TBC1D19: variants seen among roughly 807,000 people sequenced by gnomAD.
TBC1D19 encodes TBC1 domain family member 19.
A neutral mutation model predicts 89.0 loss-of-function variants in TBC1D19; 60 were observed. The ratio of observed to expected loss-of-function variants is 0.67; its 90% CI spans 0.55 to 0.84. The LOEUF is 0.84. TBC1D19 is among the 40% of genes least tolerant of loss of function. The pLI is 0.00. For synonymous variants in TBC1D19, 189 were observed against 199.7 expected (o/e 0.95, Z 0.45); for missense variants, 500 against 610.8 (o/e 0.82, Z 1.91).
rs559391660 is a variant in TBC1D19 at position 26,661,611 on chromosome 4, AC to A, written c.591+1905del. ...GCAAAACCAAACAACAACAACAATA[AC>A]AAAACCCAAATAGCCAAATTAGGGA... On this transcript the variant is annotated intron_variant, in intron 8 of 20. Coordinates refer to ENST00000264866, the MANE Select transcript of TBC1D19 (RefSeq NM_018317.4). 1.6e-4 allele frequency among the ~76,000 whole-genome samples: 24 copies of A among 152,246 alleles called. No individual in the cohort carries two copies. In the South Asian group the frequency reaches 4.8e-3, roughly 30 times the overall value.
intron 3 of TBC1D19, among the ~76,000 whole-genome samples, chr4:26,617,601 A>G (rs1032893315): frequency 6.6e-6 from 1 of 152,236 alleles, no homozygotes; most frequent in Admixed American, 6.5e-5. Flanking sequence ...CCACCTACCA[A>G]TGCTAACACA....
chr4:26,735,066 A>G (rs116018725), intron 15 of TBC1D19, among the ~76,000 whole-genome samples: 2,274 of 144,126 alleles, frequency 0.016, 63 homozygotes, highest in African/African-American at 0.053. Flanking sequence ...ATATGTATAT[A>G]TGTATACACA....
the TBC1D19 span, among the ~76,000 whole-genome samples, chr4:26,793,009 C>T: frequency 6.6e-6 from 1 of 152,210 alleles, no homozygotes; most frequent in Non-Finnish European, 1.5e-5. Flanking sequence ...CTGCATCCAG[C>T]TTTTAATTAA....
chr4:26,797,670 C>T, the TBC1D19 span, among the ~76,000 whole-genome samples: 4 of 152,184 alleles, frequency 2.6e-5, no homozygotes, highest in African/African-American at 9.7e-5. Context: ...GTAACTGAAA[C>T]AGCATGGTGC....
intron 7 of TBC1D19, among the ~76,000 whole-genome samples, chr4:26,642,735 A>C (rs1018680647): frequency 6.6e-6 from 1 of 152,246 alleles, no homozygotes; most frequent in Non-Finnish European, 1.5e-5. Flanking sequence ...ATGGAGGAAG[A>C]TCTGCCAAGC....
chr4:26,657,056 GTTC>G (rs59336873), intron 7 of TBC1D19, among the ~76,000 whole-genome samples: 59,378 of 120,356 alleles, frequency 0.49, 14,541 homozygotes, highest in Admixed American at 0.62. Context: ...TCCTCTTCTT[GTTC>G]TTCTTCTTCT....
chr4:26,782,424 G>T, the TBC1D19 span, among the ~76,000 whole-genome samples: 2 of 152,176 alleles, frequency 1.3e-5, no homozygotes, highest in Non-Finnish European at 2.9e-5. Context: ...TCTCACTGGT[G>T]CACTGGGGTT....
the TBC1D19 span, among the ~76,000 whole-genome samples, chr4:26,787,336 G>A: frequency 5.3e-5 from 8 of 152,030 alleles, no homozygotes; most frequent in South Asian, 4.2e-4. Context: ...TCCTGAGCTC[G>A]GGCAATCCAC....
At chr4:26,827,745 A>T in the TBC1D19 span, among the ~76,000 whole-genome samples, 41 of 144,400 alleles carry the variant, frequency 2.8e-4, no homozygotes, top group Admixed American at 1.6e-3. Context: ...GGGTCTTGCG[A>T]TGACACTCAG....
Position 26,640,741 on chromosome 4 carries a change from ACCAGGAGGTTATATC to A in TBC1D19, c.480+558_480+572del, listed in dbSNP as rs541209086. 3.3e-5 allele frequency among the ~76,000 whole-genome samples: 5 copies of A among 152,320 alleles called. No individual in the cohort carries two copies. In the South Asian group the frequency reaches 1.0e-3, roughly 32 times the overall value. On this transcript the variant is annotated intron_variant, in intron 7 of 20. Coordinates refer to ENST00000264866, the MANE Select transcript of TBC1D19 (RefSeq NM_018317.4). ...TTCCAACAGTCTTAGCAAACGGCACACCAGGAGGTTATATCCCATGCCTGGCTCAGCAGGTCCCAT... is the reference window on the plus strand; with the variant it reads ...TTCCAACAGTCTTAGCAAACGGCACACCATGCCTGGCTCAGCAGGTCCCAT...
chr4:26,583,629 T>A (rs28474372), upstream of TBC1D19, among the ~76,000 whole-genome samples: 4,193 of 152,268 alleles, frequency 0.028, 151 homozygotes, highest in African/African-American at 0.079. Context: ...AGTGCTATGG[T>A]ACAGTGCTAG....
intron 19 of TBC1D19, among the ~76,000 whole-genome samples, chr4:26,749,135 T>C (rs780332444): frequency 9.2e-5 from 14 of 152,228 alleles, no homozygotes; most frequent in Non-Finnish European, 1.9e-4. Flanking sequence ...ATTAAGCAGT[T>C]CTTACAACAG....
chr4:26,590,787 T>C (rs1359435612), intron 1 of TBC1D19, among the ~76,000 whole-genome samples: 1 of 147,724 alleles, frequency 6.8e-6, no homozygotes, highest in Non-Finnish European at 1.5e-5. Flanking sequence ...CTCTTTGTCT[T>C]GCAGGTCTGT....
upstream of TBC1D19, among the ~76,000 whole-genome samples, chr4:26,581,640 T>C (rs1384017147): frequency 6.6e-6 from 1 of 152,232 alleles, no homozygotes; most frequent in Non-Finnish European, 1.5e-5. Context: ...ATGGAGATGG[T>C]AATCTGTACC....
chr4:26,802,844 C>A, the TBC1D19 span, among the ~76,000 whole-genome samples: 26 of 152,238 alleles, frequency 1.7e-4, no homozygotes, highest in Middle Eastern at 3.4e-3. Flanking sequence ...TACTTATTCC[C>A]CACAGTTCTA....
At chr4:26,674,124 A>C (rs1345412077) in intron 11 of TBC1D19, among the ~76,000 whole-genome samples, 1 of 152,270 alleles carries the variant, frequency 6.6e-6, no homozygotes, top group South Asian at 2.1e-4. Flanking sequence ...GTGACCTTAC[A>C]TATACAACAA....
At chr4:26,609,287 T>C (rs1041010905) in intron 1 of TBC1D19, among the ~76,000 whole-genome samples, 4 of 152,120 alleles carry the variant, frequency 2.6e-5, no homozygotes, top group Non-Finnish European at 5.9e-5. Context: ...AGGGTGATAC[T>C]TGGGATGCAA....
upstream of TBC1D19, among the ~76,000 whole-genome samples, chr4:26,583,205 G>A (rs954817901): frequency 2.7e-4 from 41 of 151,862 alleles, no homozygotes; most frequent in African/African-American, 7.5e-4. Context: ...GCCTTTTTTG[G>A]GGGGGGAAGG....
At chr4:26,597,155 T>C (rs1740275110) in intron 1 of TBC1D19, among the ~76,000 whole-genome samples, 1 of 152,246 alleles carries the variant, frequency 6.6e-6, no homozygotes, top group African/African-American at 2.4e-5. Context: ...GCTATTAAAA[T>C]AAATATGTTA....
Sources: gnomAD v4.1 joint callset for allele counts (sites outside exome capture counted in the v4.1 genomes callset) on GRCh38, gnomAD v4.1.1 for gene constraint, MANE v1.5 for transcripts, NCBI Gene and HGNC (gene_info 2026-07-23, HGNC 2026-07-21) for gene names.